Variants in ZFYVE26 observed in about 807,000 individuals in gnomAD.
The protein encoded by ZFYVE26 is zinc finger FYVE-type containing 26.
Under a neutral mutation model 276.5 loss-of-function variants are expected in ZFYVE26, and 181 were observed. The observed-to-expected ratio is 0.65, with a 90% CI of 0.58 to 0.74. The LOEUF (loss-of-function observed/expected upper bound fraction) is 0.74, where lower values mean the gene tolerates loss of function less well. ZFYVE26 is among the 30% of genes least tolerant of loss of function. The probability of loss-of-function intolerance (pLI) is 0.00; values close to 1 mark genes in which losing one functional copy is unlikely to be tolerated. For missense variants in ZFYVE26, 2,821 were observed against 3,097.9 expected (o/e 0.91, Z 2.12); for synonymous variants, 1,129 against 1,203.1 (o/e 0.94, Z 1.27).
chr14:67,749,309 C>T (rs1011423313), intron 41 of ZFYVE26, among the ~76,000 whole-genome samples: 1 of 152,098 alleles, frequency 6.6e-6, no homozygotes, highest in African/African-American at 2.4e-5. Flanking sequence ...TGGAAAAAGT[C>T]GAATTAACGT....
chr14:67,749,419 G>C (rs1390366490), intron 41 of ZFYVE26, among the ~76,000 whole-genome samples: 1 of 152,086 alleles, frequency 6.6e-6, no homozygotes, highest in African/African-American at 2.4e-5. Context: ...GCTATCTCAT[G>C]AATCCCCAGC....
rs756285280 is a variant in ZFYVE26 at position 67,772,324 on chromosome 14, C to G, written c.5321-114G>C. On this transcript the variant is annotated intron_variant, in intron 27 of 41. Coordinates refer to ENST00000347230, the MANE Select transcript of ZFYVE26 (RefSeq NM_015346.4). ...CAAACCGTTATTGAAAGAATAGATC[C>G]AGTTAATGATCATCAGTGACTGTTT... 4 of 1,213,584 alleles carry G rather than the reference C, an allele frequency of 3.3e-6. No homozygotes were observed. In the East Asian group the frequency reaches 7.6e-5, roughly 23 times the overall value. 75.2% of individuals were successfully genotyped at this position (1,213,584 alleles called of 1,614,324 possible). A position where few individuals can be genotyped will look rare whatever the true frequency, so the allele number is the denominator to read the frequency against.
intron 27 of ZFYVE26, among the ~76,000 whole-genome samples, chr14:67,772,624 G>C (rs1295926373): frequency 6.6e-6 from 1 of 152,146 alleles, no homozygotes. Context: ...AAAAGAGGCA[G>C]GGAACCTATT....
chr14:67,816,071 G>A (rs1236804607), intron 1 of ZFYVE26, 25 bp from the exon 2 acceptor site: 1 of 863,980 alleles, frequency 1.2e-6, no homozygotes, highest in Non-Finnish European at 1.8e-6. Context: ...ACGCCAGTGA[G>A]AAGAAACAGA....
intron 40 of ZFYVE26, chr14:67,751,489 T>A (rs1594881317): frequency 6.6e-6 from 2 of 305,052 alleles, no homozygotes; most frequent in South Asian, 3.1e-5. Context: ...CAAGTGATCC[T>A]CCCGCCTCAG....
chr14:67,741,680 A>G (rs17104619), downstream of ZFYVE26, among the ~76,000 whole-genome samples: 1,555 of 152,344 alleles, frequency 0.01, 34 homozygotes, highest in African/African-American at 0.036. Flanking sequence ...AAATAACAAC[A>G]TGGTACTGAA....
At chr14:67,774,198 T>C (rs1229014267) in intron 27 of ZFYVE26, among the ~76,000 whole-genome samples, 1 of 152,198 alleles carries the variant, frequency 6.6e-6, no homozygotes, top group Non-Finnish European at 1.5e-5. Context: ...ACTGAGGTTG[T>C]TTCAACCTCT....
chr14:67,807,791 G>A lies in ZFYVE26; in HGVS notation c.493C>T (p.Pro165Ser), dbSNP rs1205810103. ...SVLWDLLRQS[P>S]QPAQALLELL... ...TCCAGCAGGGCCTGTGCTGGCTGGG[G>A]AGACTGCCTCAGGAGATCCCAGAGC... The change falls in exon 5 of 42, where the codon CCC (proline) becomes TCC (serine). Residue 165 changes from proline to serine, a missense_variant. By Grantham distance (74) the Pro-to-Ser change is moderately conservative. Coordinates refer to ENST00000347230, the MANE Select transcript of ZFYVE26 (RefSeq NM_015346.4). The A allele has an allele frequency of 1.9e-6, 3 of 1,614,226 alleles. No homozygotes were observed. Among genetic ancestry groups the A allele is most frequent in the Admixed American group, 1.7e-5 (1 of 60,030 alleles).
intron 29 of ZFYVE26, 25 bp downstream of exon 29, chr14:67,769,569 A>C: frequency 6.2e-7 from 1 of 1,611,706 alleles, no homozygotes; most frequent in Non-Finnish European, 8.5e-7. Context: ...CAATAATAGC[A>C]ACAGCCCTGC....
intron 38 of ZFYVE26, 64 bp downstream of exon 38, chr14:67,754,007 C>A: frequency 6.2e-7 from 1 of 1,611,258 alleles, no homozygotes; most frequent in Non-Finnish European, 8.5e-7. Flanking sequence ...TAGACAACTG[C>A]AATTATGATA....
intron 13 of ZFYVE26, among the ~76,000 whole-genome samples, chr14:67,733,153 A>T (rs2038307839): frequency 6.6e-6 from 1 of 152,012 alleles, no homozygotes; most frequent in South Asian, 2.1e-4. Flanking sequence ...AAAAAAAAAC[A>T]TGATGAGAAC....
intron 5 of ZFYVE26, among the ~76,000 whole-genome samples, 169 bp from the exon 6 acceptor site, chr14:67,806,844 C>T (rs934262771): frequency 1.3e-5 from 2 of 152,212 alleles, no homozygotes; most frequent in Non-Finnish European, 2.9e-5. Context: ...CCCTTGGGAG[C>T]TTCAGAAAAG....
In ZFYVE26 at chr14:67,793,681, G is replaced by C; in HGVS notation, c.2480C>G (p.Pro827Arg). The change falls in exon 14 of 42, where the codon CCC (proline) becomes CGC (arginine). Residue 827 changes from proline to arginine, a missense_variant. Pro to Arg is a moderately radical substitution (Grantham distance 103). Transcript: ENST00000347230. ...LHPHPQSSLI[P>R]MMFSPPESLL... The stretch of plus-strand genomic sequence containing the variant: ...TGACTCAGGTGGGGAGAACATCATG[G>C]GGATGAGTGAACTTTGAGGATGGGG... The C allele has an allele frequency of 6.2e-7, 1 of 1,613,874 alleles. No individual in the cohort carries two copies. Among genetic ancestry groups the C allele is most frequent in the African/African-American group, 1.3e-5 (1 of 74,972 alleles).
intron 26 of ZFYVE26, 63 bp downstream of exon 26, chr14:67,775,797 T>C (rs2039325341): frequency 3.1e-6 from 5 of 1,612,182 alleles, no homozygotes; most frequent in Non-Finnish European, 4.2e-6. Flanking sequence ...AAATTAAAAC[T>C]AAGAATGCAG....
chr14:67,777,999 A>G, intron 24 of ZFYVE26, 127 bp downstream of exon 24: 1 of 1,424,612 alleles, frequency 7.0e-7, no homozygotes, highest in Non-Finnish European at 9.8e-7. Context: ...GACTATAACC[A>G]GCTCCTGAAA....
Position 67,790,808 on chromosome 14 carries a change from G to A in ZFYVE26, c.2554-35C>T, listed in dbSNP as rs2039794221. ...GAGAGGGAGTGTGTGGGCCCTGGTGGTCCCACTGATTTAGGGAATGTCCAT... is the reference window on the plus strand; with the variant it reads ...GAGAGGGAGTGTGTGGGCCCTGGTGATCCCACTGATTTAGGGAATGTCCAT... On this transcript the variant is annotated intron_variant, in intron 14 of 41. Coordinates refer to ENST00000347230, the MANE Select transcript of ZFYVE26 (RefSeq NM_015346.4). 5 of 1,593,830 alleles carry A rather than the reference G, an allele frequency of 3.1e-6. 1 individual carries two copies. The highest frequency in any genetic ancestry group is 4.3e-6 in the Non-Finnish European group (5 of 1,161,860).
chr14:67,749,158 A>G (rs1049187418), intron 41 of ZFYVE26, among the ~76,000 whole-genome samples: 5 of 152,176 alleles, frequency 3.3e-5, no homozygotes, highest in Non-Finnish European at 7.3e-5. Flanking sequence ...ATGAATATGT[A>G]TTACAGGAAT....
intron 27 of ZFYVE26, among the ~76,000 whole-genome samples, chr14:67,772,632 A>G (rs867540533): frequency 2.2e-4 from 33 of 152,310 alleles, no homozygotes; most frequent in Admixed American, 9.8e-4. Flanking sequence ...CAGGGAACCT[A>G]TTGATTAAAG....
At chr14:67,736,633 T>G (rs937491944) in intron 13 of ZFYVE26, among the ~76,000 whole-genome samples, 19 of 152,168 alleles carry the variant, frequency 1.2e-4, no homozygotes, top group South Asian at 6.2e-4. Context: ...AAAAGAGGAA[T>G]ACATCCAAAA....
Sources: allele counts gnomAD v4.1 joint callset (sites outside exome capture counted in the v4.1 genomes callset), GRCh38; gene constraint gnomAD v4.1.1; transcripts MANE v1.5; gene names NCBI Gene and HGNC (gene_info 2026-07-23, HGNC 2026-07-21).